Variants in NELL1 observed in about 807,000 individuals in gnomAD.
NELL1 encodes the protein neural EGFL like 1.
A neutral mutation model predicts 107.4 loss-of-function variants in NELL1; 76 were observed. The observed-to-expected ratio is 0.71, with a 90% CI of 0.59 to 0.86. NELL1 has a LOEUF of 0.86. Among genes scored for constraint, NELL1 ranks in the 40% least tolerant of loss-of-function variants. NELL1 has a pLI of 0.00. For synonymous variants in NELL1, 353 were observed against 341.2 expected (o/e 1.03, Z -0.38); for missense variants, 1,024 against 1,005.5 (o/e 1.02, Z -0.25).
chr11:20,783,333 T>G (rs993485699), intron 2 of NELL1, among the ~76,000 whole-genome samples: 1 of 152,200 alleles, frequency 6.6e-6, no homozygotes, highest in African/African-American at 2.4e-5. Flanking sequence ...GCAAACTGAA[T>G]TGCTCAGCGT....
At chr11:21,479,654 A>G (rs1263200976) in intron 15 of NELL1, among the ~76,000 whole-genome samples, 2 of 152,194 alleles carry the variant, frequency 1.3e-5, no homozygotes, top group African/African-American at 4.8e-5. Context: ...ACAGTAATTC[A>G]CAGTACATTT....
At chr11:20,982,875 G>A (rs572101793) in intron 12 of NELL1, among the ~76,000 whole-genome samples, 13 of 152,168 alleles carry the variant, frequency 8.5e-5, no homozygotes, top group Non-Finnish European at 1.8e-4. Flanking sequence ...GATTTCTATG[G>A]TTAATGATTT....
chr11:21,016,687 C>T (rs777255595), intron 12 of NELL1, among the ~76,000 whole-genome samples: 4 of 152,100 alleles, frequency 2.6e-5, no homozygotes, highest in African/African-American at 7.2e-5. Flanking sequence ...CCTTGTTAAA[C>T]CTCCGGTGAC....
At chr11:20,932,823 A>G (rs955972731) in intron 9 of NELL1, among the ~76,000 whole-genome samples, 3 of 152,230 alleles carry the variant, frequency 2.0e-5, no homozygotes, top group African/African-American at 4.8e-5. Flanking sequence ...GATCTCTGTT[A>G]CAATAAAGAA....
intron 2 of NELL1, among the ~76,000 whole-genome samples, chr11:20,689,363 T>C (rs958726382): frequency 2.0e-5 from 3 of 151,614 alleles, no homozygotes; most frequent in Non-Finnish European, 2.9e-5. Context: ...TATACATGTG[T>C]CATGCTGGTG....
In NELL1 at chr11:21,361,259, A is replaced by AT. The variant is rs59239329; in HGVS notation, c.1550-9567dup. 8.4e-3 allele frequency among the ~76,000 whole-genome samples: 957 copies of AT among 113,550 alleles called. 25 individuals carry two copies. Among genetic ancestry groups the AT allele is most frequent in the African/African-American group, 0.027 (805 of 29,562 alleles). The allele number at this position is 113,550 out of a possible 152,430, so 74.5% of individuals were successfully genotyped here. A position where few individuals can be genotyped will look rare whatever the true frequency, so the allele number is the denominator to read the frequency against. On this transcript the variant is annotated intron_variant, in intron 14 of 19. Transcript: ENST00000357134. ...CTAGATACAAATTCCTTGTGTGACA[A>AT]TTTTTTTTTTTTTTTTTTTTTTTTT... is the stretch of plus-strand genomic sequence containing the variant.
chr11:21,036,732 TCTCACACACACACA>T (rs1363942557), intron 12 of NELL1, among the ~76,000 whole-genome samples: 2 of 151,832 alleles, frequency 1.3e-5, no homozygotes. Context: ...TCTCTCTCTG[TCTCACACACACACA>T]CTCACACACA....
At chr11:20,955,666 A>C (rs1390339216) in intron 11 of NELL1, among the ~76,000 whole-genome samples, 1 of 152,172 alleles carries the variant, frequency 6.6e-6, no homozygotes, top group Non-Finnish European at 1.5e-5. Context: ...AGCCCATTTA[A>C]GTTTCTCAAC....
chr11:20,995,933 G>A (rs1263238969), intron 12 of NELL1, among the ~76,000 whole-genome samples: 7 of 152,150 alleles, frequency 4.6e-5, no homozygotes, highest in African/African-American at 1.7e-4. Context: ...AGAAGGCAAG[G>A]GCTGAAGAAT....
chr11:21,147,787 G>A (rs1194849938), intron 13 of NELL1, among the ~76,000 whole-genome samples: 2 of 118,972 alleles, frequency 1.7e-5, no homozygotes, highest in East Asian at 5.8e-4. Flanking sequence ...GGTGAGCTGA[G>A]ATGGCACCAT....
chr11:21,510,168 T>G (rs1262818014), intron 15 of NELL1, among the ~76,000 whole-genome samples: 1 of 152,202 alleles, frequency 6.6e-6, no homozygotes, highest in African/African-American at 2.4e-5. Flanking sequence ...GAATGCACGA[T>G]TGGCCAGCCA....
At chr11:21,568,925 A>T (rs1490538270) in intron 17 of NELL1, among the ~76,000 whole-genome samples, 1 of 151,706 alleles carries the variant, frequency 6.6e-6, no homozygotes, top group Non-Finnish European at 1.5e-5. Flanking sequence ...TAAAAAAGAT[A>T]GTATACTAAA....
intron 14 of NELL1, among the ~76,000 whole-genome samples, chr11:21,266,878 C>T (rs557699629): frequency 5.4e-4 from 82 of 152,156 alleles, no homozygotes; most frequent in African/African-American, 1.9e-3. Flanking sequence ...AAGAATGTCA[C>T]ACTTATGCAT....
intron 13 of NELL1, among the ~76,000 whole-genome samples, chr11:21,126,899 T>C (rs1170617848): frequency 1.3e-5 from 2 of 151,170 alleles, no homozygotes; most frequent in East Asian, 3.9e-4. Context: ...TTCCTTTAAG[T>C]CAAGAGAAAT....
chr11:21,016,726 C>A (rs1852574033), intron 12 of NELL1, among the ~76,000 whole-genome samples: 1 of 152,074 alleles, frequency 6.6e-6, no homozygotes, highest in Admixed American at 6.5e-5. Flanking sequence ...TTGATCATTT[C>A]CACCTTCAGG....
chr11:21,206,897 G>A (rs112999724), intron 13 of NELL1, among the ~76,000 whole-genome samples: 156 of 152,214 alleles, frequency 1.0e-3, no homozygotes, highest in Non-Finnish European at 1.8e-3. Flanking sequence ...AACTCCTCTA[G>A]GTATCTGTGA....
chr11:20,840,930 A>G (rs1382675306), intron 3 of NELL1, among the ~76,000 whole-genome samples: 2 of 152,240 alleles, frequency 1.3e-5, no homozygotes, highest in Non-Finnish European at 2.9e-5. Flanking sequence ...GACAGTGTTC[A>G]TGCCTGCTGC....
At chr11:21,316,428 A>G (rs1008046747) in intron 14 of NELL1, among the ~76,000 whole-genome samples, 3 of 152,188 alleles carry the variant, frequency 2.0e-5, no homozygotes, top group Non-Finnish European at 4.4e-5. Context: ...CACTCAAAGG[A>G]TAATATCACT....
intron 13 of NELL1, among the ~76,000 whole-genome samples, chr11:21,207,856 T>G (rs1329324449): frequency 6.6e-6 from 1 of 152,194 alleles, no homozygotes; most frequent in East Asian, 1.9e-4. Context: ...GTCTTTTCCA[T>G]TCAGTCTTAG....
Sources: gnomAD v4.1 joint callset for allele counts (sites outside exome capture counted in the v4.1 genomes callset) on GRCh38, gnomAD v4.1.1 for gene constraint, MANE v1.5 for transcripts, NCBI Gene and HGNC (gene_info 2026-07-23, HGNC 2026-07-21) for gene names.